Variants in AGFG2 observed in about 807,000 individuals in gnomAD.
AGFG2 encodes the protein arf-GAP domain and FG repeat-containing protein 2.
A neutral mutation model predicts 48.0 loss-of-function variants in AGFG2; 31 were observed. The ratio of observed to expected loss-of-function variants is 0.65; its 90% CI spans 0.49 to 0.87. AGFG2 has a LOEUF of 0.87. Ranked by LOEUF, AGFG2 falls within the 40% of genes least tolerant of loss-of-function variation. The pLI is 0.00. For missense variants in AGFG2, 599 were observed against 632.6 expected (o/e 0.95, Z 0.57); for synonymous variants, 229 against 260.8 (o/e 0.88, Z 1.18).
chr7:100,556,436 G>A, intron 6 of AGFG2: 1 of 405,192 alleles, frequency 2.5e-6, no homozygotes, highest in Non-Finnish European at 4.3e-6. Context: ...AGTCTTCATA[G>A]CCTTTGGGTG....
At chr7:100,547,786 G>C (rs1800542181) in intron 1 of AGFG2, among the ~76,000 whole-genome samples, 1 of 152,164 alleles carries the variant, frequency 6.6e-6, no homozygotes, top group African/African-American at 2.4e-5. Flanking sequence ...CAGCCTTATA[G>C]CTCATGGTTG....
At chr7:100,541,958 TA>T in intron 1 of AGFG2, among the ~76,000 whole-genome samples, 1 of 152,266 alleles carries the variant, frequency 6.6e-6, no homozygotes, top group Non-Finnish European at 1.5e-5. Context: ...TCCCTTATAA[TA>T]CCCCTCAATC....
At chr7:100,555,833 C>T in intron 6 of AGFG2, 98 bp downstream of exon 6, 2 of 1,498,566 alleles carry the variant, frequency 1.3e-6, no homozygotes, top group Non-Finnish European at 1.8e-6. Flanking sequence ...TAAAGAACTG[C>T]TCAAAGCAGC....
intron 6 of AGFG2, chr7:100,556,644 C>G: frequency 7.8e-7 from 1 of 1,288,124 alleles, no homozygotes; most frequent in Non-Finnish European, 1.0e-6. Flanking sequence ...ATTATCCCCA[C>G]CCCAGAGCCT....
intron 3 of AGFG2, among the ~76,000 whole-genome samples, chr7:100,551,059 TATATA>T (rs1238666067): frequency 1.9e-4 from 22 of 113,432 alleles, no homozygotes; most frequent in African/African-American, 6.8e-4. Context: ...TATATATATA[TATATA>T]TATTTCTTTT....
intron 3 of AGFG2, among the ~76,000 whole-genome samples, chr7:100,551,363 C>T (rs991451392): frequency 1.3e-5 from 2 of 151,310 alleles, no homozygotes; most frequent in Non-Finnish European, 2.9e-5. Context: ...CCACTGCGCC[C>T]GGCCTTAATT....
At chr7:100,563,687 G>A (rs1584392802) in intron 9 of AGFG2, 147 bp from the exon 10 acceptor site, 2 of 1,206,676 alleles carry the variant, frequency 1.7e-6, no homozygotes, top group East Asian at 2.5e-5. Context: ...GGTGTGAGAA[G>A]CAGAAGAGTT....
At chr7:100,544,655 A>G (rs987057599) in intron 1 of AGFG2, among the ~76,000 whole-genome samples, 1 of 144,432 alleles carries the variant, frequency 6.9e-6, no homozygotes. Context: ...GCTGTTTCAT[A>G]AGGGGTGCAT....
At chr7:100,564,479 G>A (rs1291494132) in intron 11 of AGFG2, among the ~76,000 whole-genome samples, 176 bp downstream of exon 11, 1 of 151,920 alleles carries the variant, frequency 6.6e-6, no homozygotes, top group African/African-American at 2.4e-5. Context: ...CATCTCCCAT[G>A]CTGTTCCAGC....
At chr7:100,544,615 A>G (rs1800479159) in intron 1 of AGFG2, among the ~76,000 whole-genome samples, 1 of 152,084 alleles carries the variant, frequency 6.6e-6, no homozygotes, top group Non-Finnish European at 1.5e-5. Flanking sequence ...AGAGGTGGAC[A>G]GAGTCTCTCA....
chr7:100,551,058 A>ATATATATAT (rs1800627832), intron 3 of AGFG2, among the ~76,000 whole-genome samples: 1 of 77,680 alleles, frequency 1.3e-5, no homozygotes, highest in Non-Finnish European at 2.8e-5. Context: ...ATATATATAT[A>ATATATATAT]TATATATATT....
chr7:100,567,136 G>A lies in AGFG2; in HGVS notation c.*2145G>A, dbSNP rs1019146206. 6.5e-6 allele frequency: 1 copy of A among 152,718 alleles called. No homozygotes were observed. Among genetic ancestry groups the A allele is most frequent in the African/African-American group, 2.4e-5 (1 of 41,436 alleles). The allele number at this position is 152,718 out of a possible 1,614,324, so 9.5% of individuals were successfully genotyped here. ...CCAGCCTGCTGGCTGGTGAGAGCTGGATGAGCAGTAAGAAGTTAACGCCAG... is the reference window on the plus strand; with the variant it reads ...CCAGCCTGCTGGCTGGTGAGAGCTGAATGAGCAGTAAGAAGTTAACGCCAG... On this transcript the variant is annotated 3_prime_UTR_variant, in exon 12 of 12. Coordinates refer to ENST00000300176, the MANE Select transcript of AGFG2 (RefSeq NM_006076.5).
chr7:100,543,549 G>C (rs910337156), intron 1 of AGFG2, among the ~76,000 whole-genome samples: 1 of 152,184 alleles, frequency 6.6e-6, no homozygotes, highest in African/African-American at 2.4e-5. Context: ...GGGGCAGTGA[G>C]CAAAATTACT....
chr7:100,554,046 G>T, intron 4 of AGFG2, 47 bp from the exon 5 acceptor site: 1 of 1,575,300 alleles, frequency 6.3e-7, no homozygotes, highest in Non-Finnish European at 8.6e-7. Flanking sequence ...GAGGGCCTGG[G>T]GCATGTCTGG....
intron 6 of AGFG2, 150 bp downstream of exon 6, chr7:100,555,885 C>A: frequency 9.1e-7 from 1 of 1,093,652 alleles, no homozygotes; most frequent in Non-Finnish European, 1.3e-6. Flanking sequence ...ATGAGCGTGT[C>A]TGACACATTC....
intron 10 of AGFG2, 119 bp from the exon 11 acceptor site, chr7:100,564,099 C>G: frequency 6.5e-7 from 1 of 1,532,306 alleles, no homozygotes; most frequent in South Asian, 1.2e-5. Flanking sequence ...AGCACCAGAC[C>G]CGCCCGGGTA....
chr7:100,561,071 G>A (rs1039314419), intron 6 of AGFG2, among the ~76,000 whole-genome samples: 2 of 147,728 alleles, frequency 1.4e-5, no homozygotes, highest in Admixed American at 6.8e-5. Flanking sequence ...CGCCCTCCTC[G>A]GCCTCCCAAA....
chr7:100,548,149 C>G (rs551972603), intron 1 of AGFG2, among the ~76,000 whole-genome samples: 198 of 152,228 alleles, frequency 1.3e-3, no homozygotes, highest in Non-Finnish European at 1.9e-3. Flanking sequence ...GAAGTACCCC[C>G]CTCGGCCTAC....
chr7:100,563,894 G>A lies in AGFG2; in HGVS notation c.1232G>A (p.Gly411Glu). Reference protein sequence around the residue: ...PGFPQAVPPTGAFASSFPAPL... With the variant: ...PGFPQAVPPTEAFASSFPAPL... The stretch of plus-strand genomic sequence containing the variant: ...TTCCCCCAGGCAGTGCCACCCACTG[G>A]GGCCTTTGCCAGCTCCTTCCCAGCA... Residue 411 changes from glycine to glutamate, a missense_variant, in exon 10 of 12, where the codon GGG becomes GAG. By Grantham distance (98) the Gly-to-Glu change is moderately conservative. Coordinates refer to ENST00000300176, the MANE Select transcript of AGFG2 (RefSeq NM_006076.5). 1.2e-6 allele frequency: 2 copies of A among 1,610,412 alleles called. No individual in the cohort carries two copies. The highest frequency in any genetic ancestry group is 1.7e-6 in the Non-Finnish European group (2 of 1,180,016).
Sources: gnomAD v4.1 joint callset for allele counts (sites outside exome capture counted in the v4.1 genomes callset) on GRCh38, gnomAD v4.1.1 for gene constraint, MANE v1.5 for transcripts, NCBI Gene and HGNC (gene_info 2026-07-23, HGNC 2026-07-21) for gene names.